CHRM3: variants seen among roughly 807,000 people sequenced by gnomAD.
The protein encoded by CHRM3 is cholinergic receptor muscarinic 3, also known as muscarinic acetylcholine receptor M3.
CHRM3 carries 11 observed loss-of-function variants against 41.8 expected under a neutral mutation model. That is an observed-to-expected ratio of 0.26 (90% CI 0.17 to 0.44). The LOEUF (loss-of-function observed/expected upper bound fraction) is 0.44. CHRM3 is among the 20% of genes least tolerant of loss of function. CHRM3 has a pLI of 1.00. For missense variants in CHRM3, 571 were observed against 745.4 expected, an observed-to-expected ratio of 0.77 and a Z score of 2.72; for synonymous variants, 297 against 301.4, an observed-to-expected ratio of 0.99 and a Z score of 0.15.
chr1:239,611,049 C>T (rs1303097687), intron 3 of CHRM3, among the ~76,000 whole-genome samples: 1 of 151,540 alleles, frequency 6.6e-6, no homozygotes, highest in East Asian at 1.9e-4. Context: ...GACTCAGTCT[C>T]AAAAATAATA....
At chr1:239,668,089 C>CTTTTTTTTTTTTTTTTTTTTTT (rs1221135009) in intron 4 of CHRM3, among the ~76,000 whole-genome samples, 2 of 75,598 alleles carry the variant, frequency 2.6e-5, no homozygotes, top group African/African-American at 5.3e-5. Flanking sequence ...TTTCCCCTTT[C>CTTTTTTTTTTTTTTTTTTTTTT]TTTTTTTTTT....
intron 5 of CHRM3, among the ~76,000 whole-genome samples, chr1:239,764,752 A>G (rs563096461): frequency 6.6e-6 from 1 of 152,362 alleles, no homozygotes; most frequent in South Asian, 2.1e-4. Flanking sequence ...TTTGGCAAGA[A>G]GAGGCTATTC....
intron 2 of CHRM3, among the ~76,000 whole-genome samples, chr1:239,515,347 TC>T (rs1338374490): frequency 6.6e-6 from 1 of 151,616 alleles, no homozygotes; most frequent in African/African-American, 2.4e-5. Flanking sequence ...CCAGAAAATA[TC>T]TCATATCTGT....
At chr1:239,393,650 T>C (rs914205088) in intron 1 of CHRM3, among the ~76,000 whole-genome samples, 1 of 152,200 alleles carries the variant, frequency 6.6e-6, no homozygotes, top group Non-Finnish European at 1.5e-5. Flanking sequence ...ATTCTGTTTT[T>C]CCCTGTGACT....
At chr1:239,819,247 A>G (rs922659799) in intron 5 of CHRM3, among the ~76,000 whole-genome samples, 10 of 152,156 alleles carry the variant, frequency 6.6e-5, no homozygotes, top group African/African-American at 2.2e-4. Context: ...GTAGGCACAG[A>G]CCCCACAGTC....
intron 5 of CHRM3, among the ~76,000 whole-genome samples, chr1:239,765,121 G>A (rs537435343): frequency 1.3e-5 from 2 of 152,326 alleles, no homozygotes; most frequent in Non-Finnish European, 2.9e-5. Context: ...TGATGGGACC[G>A]GTCACAGGGT....
chr1:239,440,197 CA>C (rs1281168939), intron 1 of CHRM3, among the ~76,000 whole-genome samples: 3,114 of 62,282 alleles, frequency 0.05, 60 homozygotes, highest in African/African-American at 0.14. Context: ...GACTCTGTCT[CA>C]AAAAAAAAAA....
rs1680362366 is a variant in CHRM3 at position 239,911,405 on chromosome 1, T to C, written c.*2181T>C. ...CACCTGTGAAACATCTAGTAAGCAA[T>C]TGCATCTATATTTTATTTCTCAAGT... On this transcript the variant is annotated 3_prime_UTR_variant, in exon 7 of 7. Transcript: ENST00000676153. The C allele has an allele frequency of 6.0e-6, 1 of 167,002 alleles. No homozygotes were observed. Among genetic ancestry groups the C allele is most frequent in the Non-Finnish European group, 1.5e-5 (1 of 68,112 alleles). The allele number at this position is 167,002 out of a possible 1,614,324, so 10.3% of individuals were successfully genotyped here. A position where few individuals can be genotyped will look rare whatever the true frequency, so the allele number is the denominator to read the frequency against.
At chr1:239,395,492 G>A (rs958032956) in intron 1 of CHRM3, among the ~76,000 whole-genome samples, 4 of 152,074 alleles carry the variant, frequency 2.6e-5, no homozygotes, top group Non-Finnish European at 4.4e-5. Flanking sequence ...GCCAGGTACC[G>A]AATTCTAATG....
At chr1:239,590,331 A>T (rs1185292702) in intron 3 of CHRM3, among the ~76,000 whole-genome samples, 1 of 152,250 alleles carries the variant, frequency 6.6e-6, no homozygotes, top group East Asian at 1.9e-4. Flanking sequence ...CTCTGGGTAT[A>T]TGAAGACCAA....
At chr1:239,835,273 G>A (rs1673217579) in intron 6 of CHRM3, among the ~76,000 whole-genome samples, 1 of 152,184 alleles carries the variant, frequency 6.6e-6, no homozygotes. Flanking sequence ...GTTTGAAGAT[G>A]AACAGAGCTG....
intron 1 of CHRM3, among the ~76,000 whole-genome samples, chr1:239,443,479 A>C (rs913359226): frequency 8.5e-5 from 13 of 152,210 alleles, no homozygotes; most frequent in African/African-American, 2.9e-4. Context: ...CCATTTATGT[A>C]AGCACAAATG....
At chr1:239,900,517 G>A (rs1271855133) in intron 6 of CHRM3, among the ~76,000 whole-genome samples, 1 of 151,954 alleles carries the variant, frequency 6.6e-6, no homozygotes, top group African/African-American at 2.4e-5. Flanking sequence ...AGGCCTCGGA[G>A]AAGTTCATAG....
chr1:239,418,789 G>A (rs1382400579), intron 1 of CHRM3, among the ~76,000 whole-genome samples: 1 of 152,164 alleles, frequency 6.6e-6, no homozygotes, highest in African/African-American at 2.4e-5. Context: ...CTCCAGGGAA[G>A]GGAAACAGTG....
chr1:239,699,540 G>A (rs75941486), intron 5 of CHRM3, among the ~76,000 whole-genome samples: 72 of 152,218 alleles, frequency 4.7e-4, no homozygotes, highest in Non-Finnish European at 9.0e-4. Context: ...TCCCAGACTC[G>A]AGCCATGAGA....
intron 3 of CHRM3, among the ~76,000 whole-genome samples, chr1:239,574,468 G>T (rs902023140): frequency 6.6e-6 from 1 of 152,062 alleles, no homozygotes; most frequent in South Asian, 2.1e-4. Flanking sequence ...GCACTGGCCA[G>T]CTCCCTTACT....
rs1229181364 is a variant in CHRM3 at position 239,910,707 on chromosome 1, G to T, written c.*1483G>T. On this transcript the variant is annotated 3_prime_UTR_variant, in exon 7 of 7. Transcript: ENST00000676153. The stretch of plus-strand genomic sequence containing the variant: ...TGTTGTTGCTGCTGTAGCTGTTGGG[G>T]TTTCTTTTCCTGTTGCCGGGGCTGT... 2 of 157,814 alleles carry T rather than the reference G, an allele frequency of 1.3e-5. No individual in the cohort carries two copies. Among genetic ancestry groups the T allele is most frequent in the Non-Finnish European group, 3.0e-5 (2 of 65,908 alleles). The allele number at this position is 157,814 out of a possible 1,614,324, so 9.8% of individuals were successfully genotyped here. A position where few individuals can be genotyped will look rare whatever the true frequency, so the allele number is the denominator to read the frequency against.
At chr1:239,391,840 C>T (rs1659062610) in intron 1 of CHRM3, among the ~76,000 whole-genome samples, 2 of 152,174 alleles carry the variant, frequency 1.3e-5, no homozygotes, top group Admixed American at 6.5e-5. Flanking sequence ...TGGCAGATGC[C>T]TTGTGGGCTT....
At chr1:239,752,980 G>A (rs1665954739) in intron 5 of CHRM3, among the ~76,000 whole-genome samples, 2 of 152,008 alleles carry the variant, frequency 1.3e-5, no homozygotes, top group African/African-American at 2.4e-5. Flanking sequence ...AAGAAGATAG[G>A]CAATTTTTTT....
Sources: gnomAD v4.1 joint callset for allele counts (sites outside exome capture counted in the v4.1 genomes callset) on GRCh38, gnomAD v4.1.1 for gene constraint, MANE v1.5 for transcripts, NCBI Gene and HGNC (gene_info 2026-07-23, HGNC 2026-07-21) for gene names.